Variants in HGD observed in about 807,000 individuals in gnomAD.
HGD encodes the protein homogentisate 1,2-dioxygenase.
Under a neutral mutation model 60.8 loss-of-function variants are expected in HGD, and 61 were observed. The observed-to-expected ratio is 1.00, with a 90% confidence interval of 0.82 to 1.24. The LOEUF (loss-of-function observed/expected upper bound fraction) is 1.24. Among genes scored for constraint, HGD ranks in the 50% most tolerant of loss-of-function variants. The probability of loss-of-function intolerance (pLI) is 0.00; values close to 1 mark genes in which losing one functional copy is unlikely to be tolerated. For missense variants in HGD, 542 were observed against 547.1 expected, an observed-to-expected ratio of 0.99 and a Z score of 0.09; for synonymous variants, 212 against 187.7, an observed-to-expected ratio of 1.13 and a Z score of -1.06.
intron 12 of HGD, 128 bp downstream of exon 12, chr3:120,638,327 A>C: frequency 8.8e-7 from 1 of 1,131,054 alleles, no homozygotes; most frequent in Non-Finnish European, 1.3e-6. Flanking sequence ...GGCCTTGTGC[A>C]GCAGGATCCT....
intron 4 of HGD, among the ~76,000 whole-genome samples, chr3:120,654,548 G>T (rs1057205612): frequency 6.6e-6 from 1 of 152,162 alleles, no homozygotes; most frequent in African/African-American, 2.4e-5. Context: ...CTAAATTCTG[G>T]CATCTTGGGC....
At chr3:120,668,166 C>T (rs770960586) in intron 4 of HGD, among the ~76,000 whole-genome samples, 1 of 152,142 alleles carries the variant, frequency 6.6e-6, no homozygotes, top group African/African-American at 2.4e-5. Flanking sequence ...AAACTTCATA[C>T]GAGTTTAAGG....
chr3:120,638,411 G>T (rs761688273), intron 12 of HGD, 44 bp downstream of exon 12: 1 of 1,612,152 alleles, frequency 6.2e-7, no homozygotes, highest in Admixed American at 1.7e-5. Context: ...CTGCTTTGTT[G>T]TCTCTTTGGC....
chr3:120,634,332 C>A (rs1267308552), intron 12 of HGD, among the ~76,000 whole-genome samples: 2 of 152,194 alleles, frequency 1.3e-5, no homozygotes, highest in Non-Finnish European at 2.9e-5. Context: ...TCTTATGCTT[C>A]TATTGAAATA....
intron 13 of HGD, among the ~76,000 whole-genome samples, chr3:120,630,817 T>TAC (rs1352970339): frequency 3.7e-4 from 31 of 84,468 alleles, no homozygotes; most frequent in Non-Finnish European, 5.1e-4. Context: ...TATATATATA[T>TAC]ATATATATAC....
At chr3:120,646,180 G>T in intron 9 of HGD, 87 bp downstream of exon 9, 1 of 866,256 alleles carries the variant, frequency 1.2e-6, no homozygotes, top group Non-Finnish European at 2.0e-6. Flanking sequence ...GAGTGAGACA[G>T]CGAAGGGAGA....
Position 120,628,286 on chromosome 3 carries a change from T to C in HGD, c.*94A>G, listed in dbSNP as rs1940481814. 17 of 1,411,970 alleles carry C rather than the reference T, an allele frequency of 1.2e-5. No individual in the cohort carries two copies. In the South Asian group the frequency reaches 2.0e-4, roughly 17 times the overall value. 87.5% of individuals were successfully genotyped at this position (1,411,970 alleles called of 1,614,324 possible). ...GACTATGAAAAGTGAATTTTCATTT[T>C]AACCAACCCCCTCCTCCAATACTAC... On this transcript the variant is annotated 3_prime_UTR_variant, in exon 14 of 14. Transcript: ENST00000283871.
At chr3:120,630,831 TACACAC>T (rs1232070414) in intron 13 of HGD, among the ~76,000 whole-genome samples, 3 of 77,062 alleles carry the variant, frequency 3.9e-5, no homozygotes, top group South Asian at 3.6e-4. Flanking sequence ...TATATACACA[TACACAC>T]ACACATACAC....
intron 4 of HGD, among the ~76,000 whole-genome samples, chr3:120,666,331 C>T (rs187841348): frequency 6.6e-6 from 1 of 152,150 alleles, no homozygotes; most frequent in Admixed American, 6.5e-5. Flanking sequence ...GAATTCAAAA[C>T]AGAAGAAAGG....
Position 120,638,582 on chromosome 3 carries a change from C to A in HGD, c.880-1G>T. Reference sequence around the variant, plus strand: ...TCAATACTGTGAAAATGGATGGGTCCTGTGAACACACAAGGAGAGACTGAA... The same window carrying A: ...TCAATACTGTGAAAATGGATGGGTCATGTGAACACACAAGGAGAGACTGAA... On this transcript the variant is annotated splice_acceptor_variant, in intron 11 of 13. Coordinates refer to ENST00000283871, the MANE Select transcript of HGD (RefSeq NM_000187.4). LOFTEE classifies it high-confidence loss of function. The A allele has an allele frequency of 6.2e-7, 1 of 1,613,848 alleles. No homozygotes were observed. Among genetic ancestry groups the A allele is most frequent in the Non-Finnish European group, 8.5e-7 (1 of 1,179,886 alleles).
At chr3:120,678,726 T>G (rs1434120528) in intron 1 of HGD, among the ~76,000 whole-genome samples, 1 of 152,262 alleles carries the variant, frequency 6.6e-6, no homozygotes, top group African/African-American at 2.4e-5. Flanking sequence ...GCTGAGTCAC[T>G]ATCAAATCAA....
At chr3:120,662,799 T>C (rs1302749083) in intron 4 of HGD, among the ~76,000 whole-genome samples, 2 of 152,312 alleles carry the variant, frequency 1.3e-5, no homozygotes, top group Non-Finnish European at 2.9e-5. Context: ...TGGGCTAGAT[T>C]GTGTTCCTCC....
intron 12 of HGD, chr3:120,633,542 G>A: frequency 6.7e-7 from 1 of 1,486,292 alleles, no homozygotes; most frequent in South Asian, 1.2e-5. Flanking sequence ...TGGCCATGTG[G>A]ATTATCAGAG....
chr3:120,674,687 A>T (rs919426698), intron 3 of HGD: 19 of 525,694 alleles, frequency 3.6e-5, no homozygotes, highest in Admixed American at 1.1e-4. Flanking sequence ...GTATTTTCCC[A>T]GCTCTGTGCA....
rs1055973467 is a variant in HGD, at chr3:120,638,491, C to A, written c.970G>T (p.Val324Phe). Residue 324 changes from valine to phenylalanine, a missense_variant, in exon 12 of 14, where the codon GTT (valine) becomes TTT (phenylalanine). Physicochemically the swap from Val to Phe is conservative, Grantham distance 50. Transcript: ENST00000283871. ...GGAGGCCTGAAGGTCTTATCAGCAA[C>A]CCCCCATCGAGGTGGGAAGATGACA... The part of the protein sequence containing the change: ...DFVIFPPRWG[V>F]ADKTFRPPYY... 4.3e-6 allele frequency: 7 copies of A among 1,613,718 alleles called. No homozygotes were observed. The African/African-American group carries it at 5.3e-5, about 12-fold the overall frequency.
In HGD at chr3:120,633,251, C is replaced by T. The variant is rs2107489383; in HGVS notation, c.1084G>A (p.Gly362Arg). The T allele has an allele frequency of 6.2e-7, 1 of 1,614,020 alleles. No individual in the cohort carries two copies. ...AKQGGFLPGG[G>R]SLHSTMTPHG... Reference sequence around the variant, plus strand: ...GGGGTCATTGTGCTGTGTAGACTCCCTCCCCCTGGCAGGAACCCACCTTGC... The same window carrying T: ...GGGGTCATTGTGCTGTGTAGACTCCTTCCCCCTGGCAGGAACCCACCTTGC... Residue 362 changes from glycine to arginine, a missense_variant, in exon 13 of 14, where the codon GGG becomes AGG. Physicochemically the swap from Gly to Arg is moderately radical, Grantham distance 125. Coordinates refer to ENST00000283871, the MANE Select transcript of HGD (RefSeq NM_000187.4).
In HGD at chr3:120,664,672, C is replaced by T. The variant is rs571992567; in HGVS notation, c.282+5755G>A. Among the ~76,000 whole-genome samples, 4 of 152,216 alleles carry T rather than the reference C, an allele frequency of 2.6e-5. No individual in the cohort carries two copies. In the South Asian group the frequency reaches 6.2e-4, roughly 24 times the overall value. On this transcript the variant is annotated intron_variant, in intron 4 of 13. Coordinates refer to ENST00000283871, the MANE Select transcript of HGD (RefSeq NM_000187.4). Reference sequence around the variant, plus strand: ...TCTCAAACTCCTGGACTCAAGTGAACCTCTCATCTTGGCCTCCCAAAGTGC... The same window carrying T: ...TCTCAAACTCCTGGACTCAAGTGAATCTCTCATCTTGGCCTCCCAAAGTGC...
chr3:120,648,555 G>T (rs34975956), intron 6 of HGD, among the ~76,000 whole-genome samples: 14,346 of 152,270 alleles, frequency 0.094, 765 homozygotes, highest in East Asian at 0.19. Flanking sequence ...AGGCAGGAAT[G>T]CCATTTGCAT....
intron 1 of HGD, among the ~76,000 whole-genome samples, chr3:120,679,454 G>A (rs141542867): frequency 4.6e-5 from 7 of 152,254 alleles, no homozygotes; most frequent in Admixed American, 1.3e-4. Flanking sequence ...ATCGCAGTAG[G>A]CTGAATAATG....
Sources: allele counts gnomAD v4.1 joint callset (sites outside exome capture counted in the v4.1 genomes callset), GRCh38; gene constraint gnomAD v4.1.1; transcripts MANE v1.5; gene names NCBI Gene and HGNC (gene_info 2026-07-23, HGNC 2026-07-21).